HGD: variants seen among roughly 807,000 people sequenced by gnomAD.
HGD encodes homogentisate oxidase.
A neutral mutation model predicts 60.8 loss-of-function variants in HGD; 61 were observed. That is an observed-to-expected ratio of 1.00 (90% CI 0.82 to 1.24). The LOEUF is 1.24. HGD is among the 50% of genes most tolerant of loss of function. The pLI, the probability that HGD is intolerant of heterozygous loss-of-function variation, is 0.00. For missense variants in HGD, 542 were observed against 547.1 expected, an observed-to-expected ratio of 0.99 and a Z score of 0.09; for synonymous variants, 212 against 187.7, an observed-to-expected ratio of 1.13 and a Z score of -1.06.
intron 1 of HGD, among the ~76,000 whole-genome samples, 163 bp from the exon 2 acceptor site, chr3:120,676,026 G>A (rs1290003392): frequency 6.6e-6 from 1 of 152,160 alleles, no homozygotes; most frequent in Non-Finnish European, 1.5e-5. Flanking sequence ...ATCATTTAGG[G>A]AAGACAATAT....
At chr3:120,653,678 G>A (rs1941409627) in intron 4 of HGD, among the ~76,000 whole-genome samples, 1 of 152,180 alleles carries the variant, frequency 6.6e-6, no homozygotes, top group African/African-American at 2.4e-5. Context: ...GTAAAATGTT[G>A]ATTTGGGAAA....
At chr3:120,649,456 T>C (rs1941269729) in intron 6 of HGD, among the ~76,000 whole-genome samples, 3 of 152,134 alleles carry the variant, frequency 2.0e-5, no homozygotes, top group African/African-American at 7.2e-5. Context: ...GTTGTCTTTT[T>C]CTAAAGACAA....
chr3:120,659,016 T>C (rs1941581083), intron 4 of HGD, among the ~76,000 whole-genome samples: 1 of 152,236 alleles, frequency 6.6e-6, no homozygotes, highest in African/African-American at 2.4e-5. Context: ...TCTGGGCCTG[T>C]GATGGGATGA....
At chr3:120,673,071 G>A (rs1412691715) in intron 3 of HGD, among the ~76,000 whole-genome samples, 3 of 152,122 alleles carry the variant, frequency 2.0e-5, no homozygotes, top group African/African-American at 7.2e-5. Flanking sequence ...GCCTACTTAT[G>A]GATAAGACTG....
At chr3:120,654,668 G>C (rs1231461064) in intron 4 of HGD, among the ~76,000 whole-genome samples, 1 of 152,172 alleles carries the variant, frequency 6.6e-6, no homozygotes, top group Non-Finnish European at 1.5e-5. Flanking sequence ...AAAGAAGAAA[G>C]AGCAAGGGGA....
At chr3:120,670,590 C>A in intron 3 of HGD, 58 bp from the exon 4 acceptor site, 2 of 951,288 alleles carry the variant, frequency 2.1e-6, no homozygotes, top group South Asian at 2.6e-5. Flanking sequence ...GAGTGATACA[C>A]AGAATGGCTC....
intron 12 of HGD, among the ~76,000 whole-genome samples, chr3:120,636,716 G>A (rs1047932061): frequency 6.6e-6 from 1 of 152,122 alleles, no homozygotes; most frequent in African/African-American, 2.4e-5. Flanking sequence ...TACCATGATG[G>A]TGCCATCTGA....
At chr3:120,653,619 T>C (rs1941407801) in intron 4 of HGD, among the ~76,000 whole-genome samples, 1 of 152,186 alleles carries the variant, frequency 6.6e-6, no homozygotes, top group Non-Finnish European at 1.5e-5. Context: ...AGCCTTCATT[T>C]CTTAAAAGCA....
intron 13 of HGD, among the ~76,000 whole-genome samples, chr3:120,630,528 G>A (rs1940551083): frequency 6.6e-6 from 1 of 151,948 alleles, no homozygotes; most frequent in East Asian, 1.9e-4. Flanking sequence ...ATGGGGAAAG[G>A]ACTATCTATT....
At chr3:120,642,154 A>G (rs1941002707) in intron 10 of HGD, among the ~76,000 whole-genome samples, 1 of 152,210 alleles carries the variant, frequency 6.6e-6, no homozygotes, top group Admixed American at 6.5e-5. Context: ...AGAGGGGAGA[A>G]GGCCTCTAAA....
intron 5 of HGD, among the ~76,000 whole-genome samples, chr3:120,651,069 C>T (rs1241249888): frequency 6.6e-6 from 1 of 152,226 alleles, no homozygotes; most frequent in Non-Finnish European, 1.5e-5. Context: ...CCCTAGTCTC[C>T]AGCCATGGCC....
intron 4 of HGD, among the ~76,000 whole-genome samples, chr3:120,658,559 C>T (rs542760949): frequency 2.5e-4 from 38 of 152,264 alleles, no homozygotes; most frequent in African/African-American, 7.7e-4. Flanking sequence ...TTCAGGTGCA[C>T]GGTGCAATCT....
chr3:120,635,700 C>A (rs963831943), intron 12 of HGD, among the ~76,000 whole-genome samples: 2 of 151,696 alleles, frequency 1.3e-5, no homozygotes, highest in African/African-American at 4.8e-5. Context: ...CTCAGGGTAC[C>A]CATACCTTTA....
intron 4 of HGD, among the ~76,000 whole-genome samples, chr3:120,663,879 T>G (rs1325272391): frequency 6.6e-6 from 1 of 152,070 alleles, no homozygotes; most frequent in Admixed American, 6.6e-5. Flanking sequence ...GATATTTAAA[T>G]AAAAATAATC....
chr3:120,675,641 T>G lies in HGD; in HGVS notation c.87+151A>C, dbSNP rs996731215. On this transcript the variant is annotated intron_variant, in intron 2 of 13. Coordinates refer to ENST00000283871, the MANE Select transcript of HGD (RefSeq NM_000187.4). Reference sequence around the variant, plus strand: ...TTTAATCTTTGTGTTGTCATTGCTCTGTATCTTCATTGCCCCTATGACTTG... The same window carrying G: ...TTTAATCTTTGTGTTGTCATTGCTCGGTATCTTCATTGCCCCTATGACTTG... 1.4e-5 allele frequency: 10 copies of G among 692,056 alleles called. No individual in the cohort carries two copies. In the South Asian group the frequency reaches 1.5e-4, roughly 10 times the overall value. The allele number at this position is 692,056 out of a possible 1,614,324, so 42.9% of individuals were successfully genotyped here.
intron 12 of HGD, among the ~76,000 whole-genome samples, chr3:120,635,065 C>T (rs149385128): frequency 0.015 from 2,287 of 152,260 alleles, 65 homozygotes; most frequent in African/African-American, 0.051. Flanking sequence ...GAGAGCAAAA[C>T]AGAATTCAGC....
At chr3:120,668,498 G>C (rs1559798861) in intron 4 of HGD, among the ~76,000 whole-genome samples, 1 of 152,020 alleles carries the variant, frequency 6.6e-6, no homozygotes, top group Non-Finnish European at 1.5e-5. Context: ...AGATTTCCTT[G>C]GGTTGTGGAA....
chr3:120,628,476 C>T lies in HGD; in HGVS notation c.1242G>A (p.Lys414=). Reference sequence around the variant, plus strand: ...AGTTCTCATCCAAACACCTGGAGGCCTTGAGTCCCCACTTTGTGACCGCCA... The same window carrying T: ...AGTTCTCATCCAAACACCTGGAGGCTTTGAGTCCCCACTTTGTGACCGCCA... ...LSLAVTKWGL[K]ASRCLDENYH... Residue 414 remains lysine, a synonymous_variant, in exon 14 of 14, where the codon AAG becomes AAA. Transcript: ENST00000283871. The T allele has an allele frequency of 6.2e-7, 1 of 1,613,988 alleles. No homozygotes were observed. Among genetic ancestry groups the T allele is most frequent in the South Asian group, 1.1e-5 (1 of 91,070 alleles).
At chr3:120,640,822 G>A (rs540746878) in intron 11 of HGD, among the ~76,000 whole-genome samples, 11 of 152,258 alleles carry the variant, frequency 7.2e-5, no homozygotes, top group African/African-American at 2.6e-4. Flanking sequence ...TGTCCCCCCA[G>A]AGATAAACTG....
Sources: allele counts gnomAD v4.1 joint callset (sites outside exome capture counted in the v4.1 genomes callset), GRCh38; gene constraint gnomAD v4.1.1; transcripts MANE v1.5; gene names NCBI Gene and HGNC (gene_info 2026-07-23, HGNC 2026-07-21).